Variants in COG5 observed in about 807,000 individuals in gnomAD.
COG5 encodes the protein conserved oligomeric Golgi complex subunit 5.
In COG5, 86 loss-of-function variants were observed where a neutral mutation model predicts 110.4. The ratio of observed to expected loss-of-function variants is 0.78; its 90% CI spans 0.65 to 0.93. COG5 has a LOEUF of 0.93. Ranked by LOEUF, COG5 falls within the 40% of genes least tolerant of loss-of-function variation. COG5 has a pLI of 0.00. For synonymous variants in COG5, 360 were observed against 334.6 expected (o/e 1.08, Z -0.83); for missense variants, 1,077 against 987.0 (o/e 1.09, Z -1.22).
At chr7:107,237,515 T>C (rs1361557640) in intron 17 of COG5, among the ~76,000 whole-genome samples, 1 of 152,196 alleles carries the variant, frequency 6.6e-6, no homozygotes, top group Non-Finnish European at 1.5e-5. Context: ...GTAGAGAAAT[T>C]GGTGATGGTC....
At chr7:107,526,151 A>G (rs545287935) in intron 6 of COG5, among the ~76,000 whole-genome samples, 1 of 152,366 alleles carries the variant, frequency 6.6e-6, no homozygotes, top group East Asian at 1.9e-4. Flanking sequence ...ATTTTGGCAT[A>G]ACTGCTTTCA....
In COG5 at chr7:107,230,675, C is replaced by A. The variant is rs200304342; in HGVS notation, c.2108G>T (p.Gly703Val). ...ADFAQMELAV[G>V]PFCRRVSDLG... The stretch of plus-strand genomic sequence containing the variant: ...ATCAGATACTCGTCTACAGAATGGA[C>A]CCACAGCCAACTCCATCTGAAATAT... The change falls in exon 19 of 22, where the codon GGT becomes GTT. Residue 703 changes from glycine to valine, a missense_variant. By Grantham distance (109) the Gly-to-Val change is moderately radical (BLOSUM62 -3). Coordinates refer to ENST00000297135, the MANE Select transcript of COG5 (RefSeq NM_006348.5). The A allele has an allele frequency of 6.2e-7, 1 of 1,611,468 alleles. No individual in the cohort carries two copies.
Position 107,210,528 on chromosome 7 carries a change from G to T in COG5, c.2373C>A (p.Ile791=). 6.3e-7 allele frequency: 1 copy of T among 1,596,052 alleles called. No homozygotes were observed. Among genetic ancestry groups the T allele is most frequent in the Non-Finnish European group, 8.5e-7 (1 of 1,171,320 alleles). ...HPSEKDRLLL[I]RGALEAYVQS... ...GCCCCCAGAGCACCTGGCTTTACCT[G>T]ATGAGGAGGAGCCTGTCCTTTTCAG... is the stretch of plus-strand genomic sequence containing the variant. Residue 791 remains isoleucine, a splice_region_variant and synonymous_variant, in exon 21 of 22, where the codon ATC becomes ATA. Transcript: ENST00000297135.
At chr7:107,521,745 A>T (rs1800332732) in intron 6 of COG5, among the ~76,000 whole-genome samples, 1 of 152,248 alleles carries the variant, frequency 6.6e-6, no homozygotes, top group Non-Finnish European at 1.5e-5. Flanking sequence ...AGTATCTAGA[A>T]CCAGAAATAC....
chr7:107,411,780 A>G (rs904461190), intron 7 of COG5, among the ~76,000 whole-genome samples: 2 of 152,168 alleles, frequency 1.3e-5, no homozygotes, highest in African/African-American at 2.4e-5. Flanking sequence ...TCCAACATAA[A>G]TGCACAAAAT....
At chr7:107,287,302 T>TAGCA (rs1805723050) in intron 12 of COG5, among the ~76,000 whole-genome samples, 1 of 152,158 alleles carries the variant, frequency 6.6e-6, no homozygotes, top group African/African-American at 2.4e-5. Flanking sequence ...TTTAAGTGGC[T>TAGCA]AGCTGTCCCT....
chr7:107,203,651 A>G (rs780093185), intron 21 of COG5, 21 bp from the exon 22 acceptor site: 7 of 1,424,004 alleles, frequency 4.9e-6, no homozygotes, highest in East Asian at 2.3e-5. Context: ...AAATGAAAAC[A>G]ATGTCAAAAT....
intron 16 of COG5, among the ~76,000 whole-genome samples, chr7:107,255,464 A>T (rs1288300463): frequency 6.6e-6 from 1 of 152,004 alleles, no homozygotes; most frequent in East Asian, 1.9e-4. Context: ...ATTCCCTGTA[A>T]ATTCTAAAGC....
chr7:107,231,959 A>G (rs1800806990), intron 18 of COG5, among the ~76,000 whole-genome samples: 1 of 152,236 alleles, frequency 6.6e-6, no homozygotes, highest in Non-Finnish European at 1.5e-5. Flanking sequence ...ATTCTTATTA[A>G]GCAAAATGAT....
chr7:107,473,192 T>C (rs1488867646), intron 6 of COG5, among the ~76,000 whole-genome samples: 1 of 151,936 alleles, frequency 6.6e-6, no homozygotes, highest in Non-Finnish European at 1.5e-5. Context: ...AACTGATATA[T>C]TCCTTTAAAC....
At chr7:107,401,643 G>A (rs1191899315) in intron 7 of COG5, among the ~76,000 whole-genome samples, 2 of 152,048 alleles carry the variant, frequency 1.3e-5, no homozygotes, top group Non-Finnish European at 2.9e-5. Context: ...GAACAAGAGG[G>A]GAAAAATTAC....
At chr7:107,387,880 A>G (rs1485817777) in intron 7 of COG5, among the ~76,000 whole-genome samples, 1 of 152,236 alleles carries the variant, frequency 6.6e-6, no homozygotes, top group African/African-American at 2.4e-5. Flanking sequence ...AATTAGGTAC[A>G]TTCTTGAGCC....
chr7:107,407,453 A>C (rs952759307), intron 7 of COG5, among the ~76,000 whole-genome samples: 1 of 152,196 alleles, frequency 6.6e-6, no homozygotes. Context: ...AATATTTAAC[A>C]AATACTTATT....
intron 6 of COG5, among the ~76,000 whole-genome samples, chr7:107,449,439 A>T (rs1795202347): frequency 6.6e-6 from 1 of 152,200 alleles, no homozygotes; most frequent in Admixed American, 6.5e-5. Context: ...CTGTGATCTC[A>T]AGTGTTACAA....
intron 19 of COG5, among the ~76,000 whole-genome samples, chr7:107,228,238 T>C (rs1363680644): frequency 2.0e-5 from 3 of 149,998 alleles, no homozygotes; most frequent in Non-Finnish European, 4.4e-5. Flanking sequence ...AAGGTGGAGG[T>C]TGCAGTAAGC....
intron 6 of COG5, among the ~76,000 whole-genome samples, chr7:107,420,319 ACAACT>A (rs59399573): frequency 0.019 from 2,873 of 152,320 alleles, 41 homozygotes; most frequent in East Asian, 0.068. Flanking sequence ...TAGACCATAA[ACAACT>A]ACATGTAAGT....
rs1802642386 is a variant in COG5, at chr7:107,253,122, A to ACT, written c.1749+3609_1749+3610insAG. The ACT allele has an allele frequency of 2.0e-5, 3 of 152,182 alleles. No individual in the cohort carries two copies. In the East Asian group the frequency reaches 5.8e-4, roughly 29 times the overall value. The allele number at this position is 152,182 out of a possible 1,614,324, so 9.4% of individuals were successfully genotyped here. A position where few individuals can be genotyped will look rare whatever the true frequency, so the allele number is the denominator to read the frequency against. The stretch of plus-strand genomic sequence containing the variant: ...TGGAAAAACAGGCATAAAGATCAGA[A>ACT]AGTAAGAAATAAAAATCCCTATTTG... On this transcript the variant is annotated intron_variant, in intron 16 of 21. Transcript: ENST00000297135.
chr7:107,320,048 G>A (rs1286587917), intron 11 of COG5, among the ~76,000 whole-genome samples: 1 of 152,176 alleles, frequency 6.6e-6, no homozygotes, highest in Non-Finnish European at 1.5e-5. Flanking sequence ...TGATGTTGTA[G>A]AGTGTGACAT....
intron 7 of COG5, among the ~76,000 whole-genome samples, chr7:107,408,129 C>T (rs999055340): frequency 1.3e-5 from 2 of 152,134 alleles, no homozygotes; most frequent in African/African-American, 2.4e-5. Context: ...AAACTATGCT[C>T]GTGGGACAAA....
Sources: gnomAD v4.1 joint callset for allele counts (sites outside exome capture counted in the v4.1 genomes callset) on GRCh38, gnomAD v4.1.1 for gene constraint, MANE v1.5 for transcripts, NCBI Gene and HGNC (gene_info 2026-07-23, HGNC 2026-07-21) for gene names.